CNTN4: variants seen among roughly 807,000 people sequenced by gnomAD.
CNTN4 encodes the protein contactin 4, also known as contactin-4.
CNTN4 carries 77 observed loss-of-function variants against 122.5 expected under a neutral mutation model. The observed-to-expected ratio is 0.63, with a 90% CI of 0.52 to 0.76. The LOEUF is 0.76. Ranked by LOEUF, CNTN4 falls within the 30% of genes least tolerant of loss-of-function variation. The pLI, the probability that CNTN4 is intolerant of heterozygous loss-of-function variation, is 0.00. For synonymous variants in CNTN4, 512 were observed against 447.0 expected (o/e 1.15, Z -1.83); for missense variants, 1,256 against 1,259.1 (o/e 1.00, Z 0.04).
intron 13 of CNTN4, among the ~76,000 whole-genome samples, chr3:2,943,629 TA>T (rs1379967470): frequency 0.041 from 2,548 of 61,826 alleles, 53 homozygotes; most frequent in Middle Eastern, 0.098. Flanking sequence ...TATATATATA[TA>T]TTTTTTTTTT....
At chr3:2,107,206 A>G (rs895981777) in intron 2 of CNTN4, among the ~76,000 whole-genome samples, 5 of 152,112 alleles carry the variant, frequency 3.3e-5, no homozygotes, top group African/African-American at 1.2e-4. Context: ...AGTTGCTTCC[A>G]CATTTTCGGG....
chr3:2,759,625 TC>T (rs2149679568), intron 6 of CNTN4, among the ~76,000 whole-genome samples: 1 of 152,084 alleles, frequency 6.6e-6, no homozygotes, highest in East Asian at 1.9e-4. Context: ...TTTTCATTTC[TC>T]TTGGGTATAT....
intron 14 of CNTN4, among the ~76,000 whole-genome samples, chr3:3,012,698 G>C (rs529510626): frequency 6.6e-6 from 1 of 152,244 alleles, no homozygotes; most frequent in Non-Finnish European, 1.5e-5. Context: ...GCTGGGCGCC[G>C]TGGCTCACGC....
intron 3 of CNTN4, among the ~76,000 whole-genome samples, chr3:2,458,567 C>T (rs73804599): frequency 0.033 from 5,036 of 152,124 alleles, 272 homozygotes; most frequent in African/African-American, 0.11. Flanking sequence ...CATTTGGGAG[C>T]GGACAATACT....
chr3:2,894,401 T>C (rs902888415), intron 10 of CNTN4, among the ~76,000 whole-genome samples: 8 of 152,206 alleles, frequency 5.3e-5, no homozygotes, highest in African/African-American at 1.9e-4. Flanking sequence ...GGACAGAGAA[T>C]GGATGTTGGA....
At chr3:2,432,625 T>C (rs774244044) in intron 3 of CNTN4, among the ~76,000 whole-genome samples, 11 of 151,944 alleles carry the variant, frequency 7.2e-5, no homozygotes, top group Non-Finnish European at 1.6e-4. Context: ...TGTGTGTATA[T>C]ATATGTGTGT....
chr3:2,870,310 T>A (rs1054083381), intron 8 of CNTN4, among the ~76,000 whole-genome samples: 2 of 152,222 alleles, frequency 1.3e-5, no homozygotes, highest in Non-Finnish European at 2.9e-5. Context: ...ATCTCATTCT[T>A]CAGCCATTAA....
At chr3:2,286,390 T>C (rs2041904982) in intron 2 of CNTN4, among the ~76,000 whole-genome samples, 1 of 151,644 alleles carries the variant, frequency 6.6e-6, no homozygotes, top group South Asian at 2.1e-4. Flanking sequence ...ATCAAAATAT[T>C]GTGAAACCTG....
chr3:2,320,935 C>T (rs2043256569), intron 2 of CNTN4, among the ~76,000 whole-genome samples: 1 of 151,994 alleles, frequency 6.6e-6, no homozygotes. Flanking sequence ...TAAAAAATAT[C>T]CTGGAATTAC....
intron 2 of CNTN4, among the ~76,000 whole-genome samples, chr3:2,162,259 T>C (rs1371504256): frequency 2.0e-5 from 3 of 152,216 alleles, no homozygotes; most frequent in Non-Finnish European, 4.4e-5. Context: ...CAGAATCAAA[T>C]AGTTTTTATT....
chr3:2,986,094 T>A (rs1452759794), intron 13 of CNTN4, among the ~76,000 whole-genome samples: 2 of 152,086 alleles, frequency 1.3e-5, no homozygotes, highest in African/African-American at 2.4e-5. Context: ...TTTGTGTTTT[T>A]TGTAGAGACA....
intron 6 of CNTN4, among the ~76,000 whole-genome samples, chr3:2,787,445 G>A (rs1220991142): frequency 6.6e-6 from 1 of 152,158 alleles, no homozygotes; most frequent in African/African-American, 2.4e-5. Flanking sequence ...TACCACTTAA[G>A]GAGTAAACCG....
intron 4 of CNTN4, among the ~76,000 whole-genome samples, chr3:2,663,850 C>A (rs75071071): frequency 0.073 from 11,118 of 152,176 alleles, 456 homozygotes; most frequent in Admixed American, 0.14. Flanking sequence ...CATATTACAA[C>A]AAAGATGAAC....
chr3:2,167,978 A>C (rs762858761), intron 2 of CNTN4, among the ~76,000 whole-genome samples: 65 of 152,260 alleles, frequency 4.3e-4, no homozygotes, highest in Non-Finnish European at 8.4e-4. Context: ...TCTCTACAAA[A>C]AATTTTAAAA....
chr3:2,298,615 A>G (rs1340387501), intron 2 of CNTN4, among the ~76,000 whole-genome samples: 1 of 152,180 alleles, frequency 6.6e-6, no homozygotes, highest in Non-Finnish European at 1.5e-5. Flanking sequence ...TGGTACATTC[A>G]TATTAAAAAT....
chr3:2,968,066 G>A (rs1391386491), intron 13 of CNTN4, among the ~76,000 whole-genome samples: 1 of 151,986 alleles, frequency 6.6e-6, no homozygotes, highest in African/African-American at 2.4e-5. Flanking sequence ...GGTATCAGCT[G>A]GAACAAATAA....
At chr3:2,858,461 C>T (rs1295157158) in intron 7 of CNTN4, among the ~76,000 whole-genome samples, 1 of 152,208 alleles carries the variant, frequency 6.6e-6, no homozygotes, top group African/African-American at 2.4e-5. Flanking sequence ...CACAGTGGCT[C>T]ACACCTGTAA....
chr3:2,119,129 A>C (rs1574864202), intron 2 of CNTN4, among the ~76,000 whole-genome samples: 2 of 152,194 alleles, frequency 1.3e-5, no homozygotes, highest in African/African-American at 4.8e-5. Flanking sequence ...TCAGAAAAAA[A>C]CTGATCTCCC....
rs1366296204 is a variant in CNTN4 at position 2,658,943 on chromosome 3, A to T, written c.56-77272A>T. On this transcript the variant is annotated intron_variant, in intron 4 of 24. Transcript: ENST00000418658. ...CATTTTTTTATGTGGACATGCAAAT[A>T]ACACACCCACACACACAAACAGACA... Among the ~76,000 whole-genome samples the T allele has an allele frequency of 9.1e-5, 13 of 142,416 alleles. No homozygotes were observed. In the Admixed American group the frequency reaches 9.8e-4, roughly 11 times the overall value. The allele number at this position is 142,416 out of a possible 152,430, so 93.4% of individuals were successfully genotyped here.
Sources: allele counts gnomAD v4.1 joint callset (sites outside exome capture counted in the v4.1 genomes callset), GRCh38; gene constraint gnomAD v4.1.1; transcripts MANE v1.5; gene names NCBI Gene and HGNC (gene_info 2026-07-23, HGNC 2026-07-21).